The following ASIC2 variants were observed in gnomAD, a reference collection of about 807,000 sequenced individuals.
The protein encoded by ASIC2 is acid sensing ion channel subunit 2.
A neutral mutation model predicts 57.3 loss-of-function variants in ASIC2; 25 were observed. The ratio of observed to expected loss-of-function variants is 0.44; its 90% CI spans 0.32 to 0.61. ASIC2 has a LOEUF of 0.61. Ranked by LOEUF, ASIC2 falls within the 20% of genes least tolerant of loss-of-function variation. The probability of loss-of-function intolerance (pLI) is 0.06; values close to 1 mark genes in which losing one functional copy is unlikely to be tolerated. For missense variants in ASIC2, 641 were observed against 738.1 expected, an observed-to-expected ratio of 0.87 and a Z score of 1.52; for synonymous variants, 319 against 307.5, an observed-to-expected ratio of 1.04 and a Z score of -0.39.
At chr17:33,903,716 C>CATGAG (rs1915278770) in intron 1 of ASIC2, among the ~76,000 whole-genome samples, 1 of 152,260 alleles carries the variant, frequency 6.6e-6, no homozygotes, top group African/African-American at 2.4e-5. Flanking sequence ...GGGGTTTGGA[C>CATGAG]ATGAGATGAG....
intron 1 of ASIC2, among the ~76,000 whole-genome samples, chr17:33,858,919 G>A (rs765088311): frequency 1.3e-5 from 2 of 152,192 alleles, no homozygotes; most frequent in Non-Finnish European, 2.9e-5. Flanking sequence ...CCACATGAGT[G>A]GATTGACTCA....
intron 1 of ASIC2, among the ~76,000 whole-genome samples, chr17:34,019,844 C>G (rs1450302900): frequency 6.6e-6 from 1 of 152,186 alleles, no homozygotes; most frequent in Non-Finnish European, 1.5e-5. Context: ...TGAGCTTGCT[C>G]AAGTGGCTGC....
chr17:33,122,379 A>G (rs755845808), intron 1 of ASIC2, among the ~76,000 whole-genome samples: 2 of 152,182 alleles, frequency 1.3e-5, no homozygotes, highest in African/African-American at 2.4e-5. Context: ...AGTGCCTAGC[A>G]GAGGGTACTC....
intron 1 of ASIC2, among the ~76,000 whole-genome samples, chr17:33,304,529 C>G (rs533363673): frequency 4.3e-4 from 65 of 152,296 alleles, no homozygotes; most frequent in African/African-American, 1.4e-3. Context: ...TGGCACTGCC[C>G]ACCAACCAGT....
intron 1 of ASIC2, among the ~76,000 whole-genome samples, chr17:33,754,068 A>C (rs1285770316): frequency 6.6e-6 from 1 of 152,166 alleles, no homozygotes; most frequent in Non-Finnish European, 1.5e-5. Flanking sequence ...AAAAATAAAA[A>C]GATGGGTGGG....
chr17:33,653,030 T>C (rs1389778470), intron 1 of ASIC2, among the ~76,000 whole-genome samples: 2 of 152,214 alleles, frequency 1.3e-5, no homozygotes, highest in Non-Finnish European at 2.9e-5. Flanking sequence ...CTTTATGCCT[T>C]AGCTACATGT....
At chr17:33,706,184 A>ATGAC (rs1908856177) in intron 1 of ASIC2, among the ~76,000 whole-genome samples, 1 of 142,142 alleles carries the variant, frequency 7.0e-6, no homozygotes, top group Admixed American at 7.3e-5. Flanking sequence ...GTGTGTGTGT[A>ATGAC]TGACTATACA....
intron 1 of ASIC2, among the ~76,000 whole-genome samples, chr17:33,939,517 A>G (rs1916139108): frequency 6.6e-6 from 1 of 152,226 alleles, no homozygotes; most frequent in South Asian, 2.1e-4. Flanking sequence ...AATTCCCTGG[A>G]TCCCCTGCAT....
intron 1 of ASIC2, among the ~76,000 whole-genome samples, chr17:33,686,370 G>A (rs1416271367): frequency 6.6e-6 from 1 of 152,212 alleles, no homozygotes; most frequent in Non-Finnish European, 1.5e-5. Flanking sequence ...GGGTGAGGGT[G>A]TAAGGGCTCC....
rs57064859 is a variant in ASIC2, at chr17:33,905,141, C to CTT, written c.555+250835_555+250836dup. Among the ~76,000 whole-genome samples, 385 of 87,802 alleles carry CTT rather than the reference C, an allele frequency of 4.4e-3. 2 individuals carry two copies. The highest frequency in any genetic ancestry group is 9.2e-3 in the African/African-American group (203 of 22,134). 57.6% of individuals were successfully genotyped at this position (87,802 alleles called of 152,430 possible). On this transcript the variant is annotated intron_variant, in intron 1 of 9. Coordinates refer to the ASIC2 transcript ENST00000359872. ...TTTGCTTGAGCTACCTAGTTTAAGG[C>CTT]TTTTTTTTTTTTTTTTTTTTTTTTC...
intron 1 of ASIC2, among the ~76,000 whole-genome samples, chr17:34,022,609 G>T: frequency 6.9e-6 from 1 of 145,430 alleles, no homozygotes. Flanking sequence ...CCACAGTCTG[G>T]TCTTCATGCA....
At chr17:33,316,000 C>G (rs1386738130) in intron 1 of ASIC2, among the ~76,000 whole-genome samples, 1 of 152,154 alleles carries the variant, frequency 6.6e-6, no homozygotes. Context: ...TGTGGTATTG[C>G]TGTGTGCATT....
At chr17:33,525,808 T>C (rs1469687574) in intron 1 of ASIC2, among the ~76,000 whole-genome samples, 1 of 152,170 alleles carries the variant, frequency 6.6e-6, no homozygotes, top group Non-Finnish European at 1.5e-5. Flanking sequence ...ATGACTCCTA[T>C]CCATCCTTTG....
Position 33,797,779 on chromosome 17 carries a change from G to A in ASIC2, c.555+358199C>T, listed in dbSNP as rs142612278. On this transcript the variant is annotated intron_variant, in intron 1 of 9. Coordinates refer to the ASIC2 transcript ENST00000359872. ...GGACTGAAATGTGGGCATGTTCCGC[G>A]TTTGTACTCTTGGCCTTTGGGGACA... 7.2e-3 allele frequency among the ~76,000 whole-genome samples: 1,089 copies of A among 152,300 alleles called. 7 individuals are homozygous for A. Among genetic ancestry groups the A allele is most frequent in the Non-Finnish European group, 9.5e-3 (644 of 68,024 alleles).
intron 1 of ASIC2, chr17:33,936,307 A>G (rs1289804526): frequency 2.0e-5 from 3 of 151,578 alleles, no homozygotes; most frequent in Non-Finnish European, 4.4e-5. Context: ...ATTCACCCTC[A>G]CCCTACACGG....
chr17:33,575,837 A>T (rs1228911743), intron 1 of ASIC2, among the ~76,000 whole-genome samples: 2 of 152,172 alleles, frequency 1.3e-5, no homozygotes, highest in Admixed American at 6.5e-5. Context: ...ACAGAGAGGC[A>T]AGGGGCTCTT....
intron 3 of ASIC2, among the ~76,000 whole-genome samples, chr17:33,083,595 T>C (rs1474235448): frequency 6.6e-6 from 1 of 152,178 alleles, no homozygotes; most frequent in Non-Finnish European, 1.5e-5. Flanking sequence ...TTGGGTGGTA[T>C]CTGGAGGTGT....
chr17:33,756,744 C>A (rs1332630875), intron 1 of ASIC2, among the ~76,000 whole-genome samples: 1 of 152,172 alleles, frequency 6.6e-6, no homozygotes, highest in Non-Finnish European at 1.5e-5. Flanking sequence ...AAGTGACAGC[C>A]CAAAGAGAGG....
At chr17:33,963,018 T>C (rs754179834) in intron 1 of ASIC2, among the ~76,000 whole-genome samples, 1 of 152,170 alleles carries the variant, frequency 6.6e-6, no homozygotes, top group Non-Finnish European at 1.5e-5. Flanking sequence ...TGTGCACATC[T>C]TGTGGTCTCT....
Sources: allele counts gnomAD v4.1 joint callset (sites outside exome capture counted in the v4.1 genomes callset), GRCh38; gene constraint gnomAD v4.1.1; transcripts MANE v1.5; gene names NCBI Gene and HGNC (gene_info 2026-07-23, HGNC 2026-07-21).